Variants in MAN1A1 observed in about 807,000 individuals in gnomAD.
MAN1A1 encodes mannosyl-oligosaccharide 1,2-alpha-mannosidase IA.
A neutral mutation model predicts 70.8 loss-of-function variants in MAN1A1; 29 were observed. The ratio of observed to expected loss-of-function variants is 0.41; its 90% CI spans 0.31 to 0.56. The LOEUF is 0.56. Ranked by LOEUF, MAN1A1 falls within the 20% of genes least tolerant of loss-of-function variation. MAN1A1 has a pLI of 0.29. For synonymous variants in MAN1A1, 349 were observed against 330.1 expected, an observed-to-expected ratio of 1.06 and a Z score of -0.62; for missense variants, 747 against 841.3, an observed-to-expected ratio of 0.89 and a Z score of 1.39.
intron 5 of MAN1A1, among the ~76,000 whole-genome samples, chr6:119,271,844 T>A (rs941446765): frequency 6.6e-6 from 1 of 152,062 alleles, no homozygotes; most frequent in African/African-American, 2.4e-5. Flanking sequence ...GGCTCAAAAT[T>A]TGGTGATTTC....
chr6:119,338,955 C>T (rs1401040818), intron 2 of MAN1A1, among the ~76,000 whole-genome samples: 1 of 152,186 alleles, frequency 6.6e-6, no homozygotes, highest in African/African-American at 2.4e-5. Flanking sequence ...CTTGCCAGAT[C>T]CATCTCCCCT....
At chr6:119,241,192 GT>G (rs1216447840) in intron 6 of MAN1A1, among the ~76,000 whole-genome samples, 45 of 152,274 alleles carry the variant, frequency 3.0e-4, no homozygotes, top group Admixed American at 2.8e-3. Context: ...TGCAAACTCT[GT>G]TTGGGTAATT....
At chr6:119,267,439 A>G (rs759630573) in intron 5 of MAN1A1, among the ~76,000 whole-genome samples, 12 of 152,190 alleles carry the variant, frequency 7.9e-5, no homozygotes, top group Non-Finnish European at 1.8e-4. Flanking sequence ...TCCAAAATAT[A>G]TCTCAAGATG....
intron 6 of MAN1A1, among the ~76,000 whole-genome samples, chr6:119,246,464 A>G (rs1354609452): frequency 6.6e-6 from 1 of 152,190 alleles, no homozygotes; most frequent in Non-Finnish European, 1.5e-5. Context: ...AAATGTTCAC[A>G]AAGTAACTAC....
rs747542299 is a variant in MAN1A1, at chr6:119,205,495, T to G, written c.993-613A>C. Among the ~76,000 whole-genome samples, 6 of 152,176 alleles carry G rather than the reference T, an allele frequency of 3.9e-5. No homozygotes were observed. In the South Asian group the frequency reaches 6.2e-4, roughly 16 times the overall value. ...ACTCTATATAACCTATGATCAAGAATCTCAACAAAATTATGTTATAAAAAT... is the reference window on the plus strand; with the variant it reads ...ACTCTATATAACCTATGATCAAGAAGCTCAACAAAATTATGTTATAAAAAT... On this transcript the variant is annotated intron_variant, in intron 6 of 12. Coordinates refer to ENST00000368468, the MANE Select transcript of MAN1A1 (RefSeq NM_005907.4).
At chr6:119,292,529 A>G (rs1453575562) in intron 4 of MAN1A1, among the ~76,000 whole-genome samples, 1 of 152,036 alleles carries the variant, frequency 6.6e-6, no homozygotes, top group Non-Finnish European at 1.5e-5. Flanking sequence ...GGGATAAAAT[A>G]TTTCCAGAAA....
chr6:119,207,257 C>T (rs915523483), intron 6 of MAN1A1, among the ~76,000 whole-genome samples: 6 of 151,982 alleles, frequency 3.9e-5, no homozygotes, highest in African/African-American at 1.4e-4. Context: ...CCCCCAACCC[C>T]CAACCACGGA....
At chr6:119,307,762 G>C (rs1055074473) in intron 2 of MAN1A1, among the ~76,000 whole-genome samples, 11 of 152,014 alleles carry the variant, frequency 7.2e-5, no homozygotes, top group African/African-American at 2.4e-4. Flanking sequence ...TTTTTAAAAG[G>C]ATTGGGACTC....
chr6:119,314,205 G>A (rs1039251528), intron 2 of MAN1A1, among the ~76,000 whole-genome samples: 3 of 152,232 alleles, frequency 2.0e-5, no homozygotes, highest in Non-Finnish European at 4.4e-5. Context: ...CAACATATGT[G>A]CTATCTCTTT....
rs1554206675 is a variant in MAN1A1, at chr6:119,232,717, G to GTGTA, written c.992+15542_992+15543insTACA. Among the ~76,000 whole-genome samples, 97 of 129,582 alleles carry GTGTA rather than the reference G, an allele frequency of 7.5e-4. 2 individuals carry two copies. Among genetic ancestry groups the GTGTA allele is most frequent in the Admixed American group, 3.3e-3 (45 of 13,708 alleles). The allele number at this position is 129,582 out of a possible 152,430, so 85.0% of individuals were successfully genotyped here. The stretch of plus-strand genomic sequence containing the variant: ...TGTGTGTGTGTGTGTGTGTGTGTGT[G>GTGTA]TATATTTGGAAATCCTTGTAGGCTA... On this transcript the variant is annotated intron_variant, in intron 6 of 12. Transcript: ENST00000368468.
intron 6 of MAN1A1, among the ~76,000 whole-genome samples, chr6:119,207,261 C>A (rs1362410532): frequency 6.6e-6 from 1 of 152,004 alleles, no homozygotes; most frequent in Non-Finnish European, 1.5e-5. Flanking sequence ...CAACCCCCAA[C>A]CACGGAAGCA....
intron 6 of MAN1A1, among the ~76,000 whole-genome samples, chr6:119,205,654 C>T (rs1276001804): frequency 6.6e-6 from 1 of 152,146 alleles, no homozygotes; most frequent in African/African-American, 2.4e-5. Context: ...AAAGTGACTC[C>T]TGAGACATGG....
chr6:119,281,410 T>C (rs1234707602), intron 5 of MAN1A1, among the ~76,000 whole-genome samples: 2 of 152,228 alleles, frequency 1.3e-5, no homozygotes, highest in Non-Finnish European at 2.9e-5. Context: ...TAAGTTGTAG[T>C]GGCCCTATGA....
chr6:119,277,853 C>T (rs1476997346), intron 5 of MAN1A1, among the ~76,000 whole-genome samples: 1 of 139,546 alleles, frequency 7.2e-6, no homozygotes, highest in Non-Finnish European at 1.5e-5. Flanking sequence ...GGGAGAATGG[C>T]ATGAACCTGG....
intron 4 of MAN1A1, among the ~76,000 whole-genome samples, chr6:119,296,439 G>A (rs1772218324): frequency 6.6e-6 from 1 of 152,086 alleles, no homozygotes; most frequent in Non-Finnish European, 1.5e-5. Flanking sequence ...CATTTAACAG[G>A]ATAATTAACT....
chr6:119,201,479 A>G, intron 7 of MAN1A1, 132 bp from the exon 8 acceptor site: 1 of 637,652 alleles, frequency 1.6e-6, no homozygotes, highest in Non-Finnish European at 2.8e-6. Context: ...TTAGCTTATT[A>G]TTACAAACAT....
chr6:119,249,063 G>A (rs1383147113), intron 5 of MAN1A1, among the ~76,000 whole-genome samples: 1 of 152,164 alleles, frequency 6.6e-6, no homozygotes, highest in South Asian at 2.1e-4. Context: ...GCATTTAGAT[G>A]AGAACTGTAC....
At chr6:119,233,582 C>T (rs1774749150) in intron 6 of MAN1A1, among the ~76,000 whole-genome samples, 1 of 152,104 alleles carries the variant, frequency 6.6e-6, no homozygotes, top group Non-Finnish European at 1.5e-5. Flanking sequence ...CCTTTGAAGC[C>T]AAATGCAGGA....
intron 6 of MAN1A1, among the ~76,000 whole-genome samples, chr6:119,220,228 G>A (rs3798613): frequency 0.012 from 1,823 of 152,052 alleles, 36 homozygotes; most frequent in East Asian, 0.091. Flanking sequence ...CATGATATTT[G>A]GAGTTGCTGA....
Sources: allele counts gnomAD v4.1 joint callset (sites outside exome capture counted in the v4.1 genomes callset), GRCh38; gene constraint gnomAD v4.1.1; transcripts MANE v1.5; gene names NCBI Gene and HGNC (gene_info 2026-07-23, HGNC 2026-07-21).